The following OSBPL6 variants were observed in gnomAD, a reference collection of about 807,000 sequenced individuals.
OSBPL6 encodes oxysterol binding protein like 6.
A neutral mutation model predicts 125.8 loss-of-function variants in OSBPL6; 49 were observed. The ratio of observed to expected loss-of-function variants is 0.39; its 90% CI spans 0.31 to 0.49. The LOEUF (loss-of-function observed/expected upper bound fraction) is 0.49, where lower values mean the gene tolerates loss of function less well. Ranked by LOEUF, OSBPL6 falls within the 20% of genes least tolerant of loss-of-function variation. The probability of loss-of-function intolerance (pLI) is 0.88; values close to 1 mark genes in which losing one functional copy is unlikely to be tolerated. For synonymous variants in OSBPL6, 394 were observed against 391.8 expected, an observed-to-expected ratio of 1.01 and a Z score of -0.07; for missense variants, 986 against 1,135.4, an observed-to-expected ratio of 0.87 and a Z score of 1.89.
intron 17 of OSBPL6, 93 bp from the exon 18 acceptor site, chr2:178,383,946 A>G (rs1694713083): frequency 1.4e-6 from 2 of 1,394,598 alleles, no homozygotes; most frequent in African/African-American, 1.4e-5. Flanking sequence ...ACACCCATCC[A>G]CATGAGGTGT....
intron 15 of OSBPL6, among the ~76,000 whole-genome samples, chr2:178,380,770 A>G (rs1016047856): frequency 7.9e-5 from 12 of 152,200 alleles, no homozygotes; most frequent in African/African-American, 2.7e-4. Context: ...AACCACCTAT[A>G]TGCTGGTTAA....
intron 1 of OSBPL6, among the ~76,000 whole-genome samples, chr2:178,196,234 A>T (rs950689865): frequency 7.2e-5 from 11 of 152,200 alleles, no homozygotes; most frequent in African/African-American, 2.2e-4. Context: ...CATAGCCCTC[A>T]TTGGGAAAGG....
At chr2:178,282,023 A>G (rs1229297414) in intron 1 of OSBPL6, among the ~76,000 whole-genome samples, 1 of 152,208 alleles carries the variant, frequency 6.6e-6, no homozygotes, top group African/African-American at 2.4e-5. Flanking sequence ...ACAGTCTGGT[A>G]TAGGAGACAC....
At chr2:178,330,752 G>A (rs1689125938) in intron 5 of OSBPL6, among the ~76,000 whole-genome samples, 1 of 152,176 alleles carries the variant, frequency 6.6e-6, no homozygotes, top group Non-Finnish European at 1.5e-5. Context: ...TGCATCTGTA[G>A]AACTAGAGGG....
chr2:178,194,380 A>C (rs1024913356), upstream of OSBPL6: 3 of 151,968 alleles, frequency 2.0e-5, no homozygotes, highest in Non-Finnish European at 4.4e-5. Flanking sequence ...GCTCCACTCC[A>C]GCCGGGCGGA....
intron 2 of OSBPL6, among the ~76,000 whole-genome samples, chr2:178,304,922 A>G (rs937762458): frequency 2.6e-5 from 4 of 152,096 alleles, no homozygotes; most frequent in Non-Finnish European, 5.9e-5. Context: ...CCATTAGTTC[A>G]CCTCAGTCAC....
chr2:178,239,879 G>A (rs904902608), intron 1 of OSBPL6, among the ~76,000 whole-genome samples: 5 of 151,604 alleles, frequency 3.3e-5, no homozygotes, highest in African/African-American at 7.3e-5. Flanking sequence ...CACCCGCCTC[G>A]GCCTCTGAAA....
chr2:178,280,608 T>C (rs1684061823), intron 1 of OSBPL6, among the ~76,000 whole-genome samples: 1 of 152,244 alleles, frequency 6.6e-6, no homozygotes, highest in Non-Finnish European at 1.5e-5. Context: ...TGTGAAAATA[T>C]ACACTTTCGT....
Position 178,399,541 on chromosome 2 carries a change from A to T in OSBPL6, c.*3982A>T, listed in dbSNP as rs1165692255. The T allele has an allele frequency of 2.0e-5, 3 of 152,234 alleles. No individual in the cohort carries two copies. Among genetic ancestry groups the T allele is most frequent in the Non-Finnish European group, 4.4e-5 (3 of 68,030 alleles). The allele number at this position is 152,234 out of a possible 1,614,324, so 9.4% of individuals were successfully genotyped here. ...TTTATTACGTCCAAAATGAGATCTA[A>T]AGAAGGAGGTCTTTAAAAATTGTTG... is the stretch of plus-strand genomic sequence containing the variant. On this transcript the variant is annotated 3_prime_UTR_variant, in exon 25 of 25. Transcript: ENST00000190611.
chr2:178,228,008 G>A (rs2090634705), intron 1 of OSBPL6, among the ~76,000 whole-genome samples: 1 of 151,978 alleles, frequency 6.6e-6, no homozygotes, highest in Middle Eastern at 3.2e-3. Context: ...TTAATTATGT[G>A]CAATTGAGGT....
At chr2:178,349,080 C>A in intron 11 of OSBPL6, 144 bp from the exon 12 acceptor site, 1 of 902,734 alleles carries the variant, frequency 1.1e-6, no homozygotes, top group South Asian at 1.5e-5. Flanking sequence ...CAACTGCCTG[C>A]AAAATAAATG....
At position 178,306,033 on chromosome 2, in the gene OSBPL6, G is replaced by A; in HGVS notation, c.-152G>A. Reference sequence around the variant, plus strand: ...GGCTTGTTTGTTTTGCTTTTAGGTGGTTTGGACACCCTCAATATTGCCTGC... The same window carrying A: ...GGCTTGTTTGTTTTGCTTTTAGGTGATTTGGACACCCTCAATATTGCCTGC... On this transcript the variant is annotated 5_prime_UTR_variant, in exon 3 of 25. Coordinates refer to ENST00000190611, the MANE Select transcript of OSBPL6 (RefSeq NM_032523.4). 1 of 554,180 alleles carries A rather than the reference G, an allele frequency of 1.8e-6. No homozygotes were observed. The highest frequency in any genetic ancestry group is 3.2e-6 in the Non-Finnish European group (1 of 307,960). 34.3% of individuals were successfully genotyped at this position (554,180 alleles called of 1,614,324 possible).
At chr2:178,335,921 AG>A (rs1193152350) in intron 8 of OSBPL6, among the ~76,000 whole-genome samples, 2 of 152,230 alleles carry the variant, frequency 1.3e-5, no homozygotes, top group Admixed American at 6.5e-5. Context: ...AGTGGTCATA[AG>A]GGTACAGAAA....
intron 2 of OSBPL6, among the ~76,000 whole-genome samples, chr2:178,297,951 A>T (rs1685909194): frequency 6.6e-6 from 1 of 152,202 alleles, no homozygotes; most frequent in African/African-American, 2.4e-5. Context: ...CATCACCACC[A>T]TGCATTTCCA....
Position 178,383,151 on chromosome 2 carries a change from G to A in OSBPL6, c.1749G>A (p.Leu583=). The change falls in exon 17 of 25, where the codon CTG becomes CTA. Residue 583 remains leucine (L), a synonymous_variant. Coordinates refer to ENST00000190611, the MANE Select transcript of OSBPL6 (RefSeq NM_032523.4). Reference sequence around the variant, plus strand: ...TGAGGAACAACATTGGTAAAGACCTGTCTAAAGTCTCTATGCCTGTGGAGC... The same window carrying A: ...TGAGGAACAACATTGGTAAAGACCTATCTAAAGTCTCTATGCCTGTGGAGC... ...NILRNNIGKD[L]SKVSMPVELN... The A allele has an allele frequency of 6.2e-7, 1 of 1,614,166 alleles. No individual in the cohort carries two copies. The highest frequency in any genetic ancestry group is 2.2e-5 in the East Asian group (1 of 44,880).
chr2:178,254,070 TG>T (rs1427961369), intron 1 of OSBPL6, among the ~76,000 whole-genome samples: 1 of 152,178 alleles, frequency 6.6e-6, no homozygotes, highest in African/African-American at 2.4e-5. Context: ...CCTGTTGACC[TG>T]GACTTCTCAG....
chr2:178,231,658 T>C (rs1304987835), intron 1 of OSBPL6, among the ~76,000 whole-genome samples: 1 of 145,670 alleles, frequency 6.9e-6, no homozygotes, highest in Non-Finnish European at 1.5e-5. Context: ...TTTTTTTTTT[T>C]TTTTTTGAGA....
At chr2:178,258,462 T>G (rs983266025) in intron 1 of OSBPL6, among the ~76,000 whole-genome samples, 1 of 152,202 alleles carries the variant, frequency 6.6e-6, no homozygotes, top group Non-Finnish European at 1.5e-5. Context: ...TTAAACAGAA[T>G]ACTGTACACC....
At chr2:178,371,231 A>G (rs539822422) in intron 13 of OSBPL6, among the ~76,000 whole-genome samples, 2 of 152,306 alleles carry the variant, frequency 1.3e-5, no homozygotes, top group South Asian at 4.1e-4. Flanking sequence ...ATATAATTCC[A>G]GTTAGCTACA....
Sources: gnomAD v4.1 joint callset for allele counts (sites outside exome capture counted in the v4.1 genomes callset) on GRCh38, gnomAD v4.1.1 for gene constraint, MANE v1.5 for transcripts, NCBI Gene and HGNC (gene_info 2026-07-23, HGNC 2026-07-21) for gene names.